ZMYND11: variants seen among roughly 807,000 people sequenced by gnomAD.
ZMYND11 encodes the protein zinc finger MYND domain-containing protein 11.
In ZMYND11, 9 loss-of-function variants were observed where a neutral mutation model predicts 84.9. The observed-to-expected ratio is 0.11, with a 90% confidence interval of 0.06 to 0.18. The LOEUF is 0.18. Among genes scored for constraint, ZMYND11 ranks in the 10% least tolerant of loss-of-function variants. ZMYND11 has a pLI of 1.00. For missense variants in ZMYND11, 409 were observed against 761.0 expected (o/e 0.54, Z 5.44); for synonymous variants, 250 against 244.1 (o/e 1.02, Z -0.23).
In ZMYND11 at chr10:173,234, G is replaced by A. The variant is rs529874601; in HGVS notation, c.-19-6760G>A. On this transcript the variant is annotated intron_variant, in intron 1 of 14. Coordinates refer to ENST00000381604, the MANE Select transcript of ZMYND11 (RefSeq NM_001370100.5). ...GCAAAGGCATGATCCATGAAGGAGA[G>A]AATTGATAAGCTGGACTTCGTTAAA... Among the ~76,000 whole-genome samples, 107 of 152,284 alleles carry A rather than the reference G, an allele frequency of 7.0e-4. 3 individuals are homozygous for A. The Middle Eastern group carries it at 0.014, about 19-fold the overall frequency.
chr10:175,438 C>T (rs1846382119), intron 1 of ZMYND11, among the ~76,000 whole-genome samples: 1 of 152,112 alleles, frequency 6.6e-6, no homozygotes, highest in Admixed American at 6.6e-5. Context: ...TGTGGTGGCG[C>T]ACGCCTGTAA....
intron 1 of ZMYND11, among the ~76,000 whole-genome samples, chr10:139,450 A>G (rs1374061722): frequency 1.3e-5 from 2 of 152,310 alleles, no homozygotes; most frequent in African/African-American, 4.8e-5. Flanking sequence ...GCCATTATCA[A>G]GTTTTCAAAA....
chr10:214,474 A>G (rs752952311), intron 3 of ZMYND11, among the ~76,000 whole-genome samples: 1 of 152,132 alleles, frequency 6.6e-6, no homozygotes, highest in Non-Finnish European at 1.5e-5. Flanking sequence ...TGTGTGTGCC[A>G]ACTAGTTTCT....
In ZMYND11 at chr10:239,286, G is replaced by A. The variant is rs1022305282; in HGVS notation, c.610-152G>A. ...ATTAAAACCGCAGGTGGCGTTGTTG[G>A]CTTCTTTTACACACATTCTCTGTCA... On this transcript the variant is annotated intron_variant, in intron 6 of 14. Transcript: ENST00000381604. 5 of 605,252 alleles carry A rather than the reference G, an allele frequency of 8.3e-6. No individual in the cohort carries two copies. The African/African-American group carries it at 9.3e-5, about 11-fold the overall frequency. The allele number at this position is 605,252 out of a possible 1,614,324, so 37.5% of individuals were successfully genotyped here. A position where few individuals can be genotyped will look rare whatever the true frequency, so the allele number is the denominator to read the frequency against.
intron 2 of ZMYND11, among the ~76,000 whole-genome samples, chr10:198,270 T>G (rs1342215824): frequency 1.3e-5 from 2 of 152,152 alleles, no homozygotes; most frequent in Non-Finnish European, 2.9e-5. Context: ...GCTTTAAAAT[T>G]ACTAAATGTT....
At chr10:244,601 G>A (rs1951740247) in intron 10 of ZMYND11, 1 of 152,312 alleles carries the variant, frequency 6.6e-6, no homozygotes, top group African/African-American at 2.4e-5. Context: ...AGGAAACCAG[G>A]TACAGACAAA....
intron 10 of ZMYND11, among the ~76,000 whole-genome samples, chr10:244,283 TA>T (rs1951671976): frequency 6.6e-6 from 1 of 152,216 alleles, no homozygotes; most frequent in Non-Finnish European, 1.5e-5. Context: ...AAGTTTTGGC[TA>T]ATTATTCTTC....
At chr10:222,324 C>T (rs17221211) in intron 4 of ZMYND11, among the ~76,000 whole-genome samples, 7,762 of 152,190 alleles carry the variant, frequency 0.051, 296 homozygotes, top group Middle Eastern at 0.085. Flanking sequence ...CTTTGTATTG[C>T]CTAAGTGTAC....
intron 1 of ZMYND11, 35 bp from the exon 2 acceptor site, chr10:179,959 G>A: frequency 1.5e-6 from 2 of 1,321,960 alleles, no homozygotes; most frequent in Non-Finnish European, 2.2e-6. Flanking sequence ...TTTGTAATCT[G>A]TTTTTTTCCC....
At position 249,268 on chromosome 10, in the gene ZMYND11, A is replaced by C; in HGVS notation, c.1686+180A>C. The C allele has an allele frequency of 2.8e-6, 4 of 1,440,696 alleles. No homozygotes were observed. In the South Asian group the frequency reaches 6.0e-5, roughly 22 times the overall value. The allele number at this position is 1,440,696 out of a possible 1,614,324, so 89.2% of individuals were successfully genotyped here. A position where few individuals can be genotyped will look rare whatever the true frequency, so the allele number is the denominator to read the frequency against. On this transcript the variant is annotated intron_variant, in intron 14 of 14. Transcript: ENST00000381604. ...AAGTCCTATGATCTCTCAACCCCAG[A>C]TCCCATATTACTGTGTACTGCTCAG...
intron 4 of ZMYND11, among the ~76,000 whole-genome samples, chr10:231,978 C>T (rs1256716795): frequency 2.0e-5 from 3 of 152,182 alleles, no homozygotes; most frequent in Admixed American, 6.5e-5. Flanking sequence ...TGGATTCTGA[C>T]CTGAACCCTG....
At chr10:144,151 C>G (rs570280109) in intron 1 of ZMYND11, among the ~76,000 whole-genome samples, 30 of 152,208 alleles carry the variant, frequency 2.0e-4, no homozygotes, top group African/African-American at 6.7e-4. Flanking sequence ...TAAAGTTAGA[C>G]TTTCTCTCTG....
chr10:162,088 G>A (rs1843056970), intron 1 of ZMYND11, among the ~76,000 whole-genome samples: 1 of 152,096 alleles, frequency 6.6e-6, no homozygotes, highest in South Asian at 2.1e-4. Flanking sequence ...TCACTTGAAC[G>A]CTTTGAGGCA....
upstream of ZMYND11, among the ~76,000 whole-genome samples, chr10:131,457 T>C (rs1285361006): frequency 6.6e-6 from 1 of 152,186 alleles, no homozygotes; most frequent in Non-Finnish European, 1.5e-5. Context: ...GCTCCTCGGT[T>C]GCTGTGTAGT....
intron 3 of ZMYND11, among the ~76,000 whole-genome samples, chr10:213,065 A>G (rs1945534602): frequency 6.6e-6 from 1 of 152,092 alleles, no homozygotes; most frequent in South Asian, 2.1e-4. Context: ...CAGCACATGC[A>G]TCTCGTACTG....
intron 1 of ZMYND11, among the ~76,000 whole-genome samples, chr10:136,206 C>G (rs1297260099): frequency 6.6e-6 from 1 of 152,096 alleles, no homozygotes; most frequent in Non-Finnish European, 1.5e-5. Flanking sequence ...CCCAGAGCTC[C>G]GGGGAGAAGC....
chr10:197,963 A>G (rs1001213857), intron 2 of ZMYND11: 24 of 659,520 alleles, frequency 3.6e-5, no homozygotes, highest in Middle Eastern at 4.8e-4. Context: ...ACATCATTAC[A>G]CAGATATGTC....
At chr10:156,385 TAAG>T (rs1841725221) in intron 1 of ZMYND11, among the ~76,000 whole-genome samples, 1 of 152,236 alleles carries the variant, frequency 6.6e-6, no homozygotes, top group Non-Finnish European at 1.5e-5. Flanking sequence ...AATCACATCT[TAAG>T]AAAATTTTTA....
At chr10:250,974 G>T (rs554114390) in intron 14 of ZMYND11, among the ~76,000 whole-genome samples, 1 of 151,034 alleles carries the variant, frequency 6.6e-6, no homozygotes, top group South Asian at 2.1e-4. Context: ...AATGAGCTGA[G>T]ATTGTGCCAC....
Sources: allele counts gnomAD v4.1 joint callset (sites outside exome capture counted in the v4.1 genomes callset), GRCh38; gene constraint gnomAD v4.1.1; transcripts MANE v1.5; gene names NCBI Gene and HGNC (gene_info 2026-07-23, HGNC 2026-07-21).